The following LRP1 variants were observed in gnomAD, a reference collection of about 807,000 sequenced individuals.
LRP1 encodes LDL receptor related protein 1.
Under a neutral mutation model 541.5 loss-of-function variants are expected in LRP1, and 51 were observed. The observed-to-expected ratio is 0.09, with a 90% CI of 0.08 to 0.12. The LOEUF (loss-of-function observed/expected upper bound fraction) is 0.12, where lower values mean the gene tolerates loss of function less well. Among genes scored for constraint, LRP1 ranks in the 10% least tolerant of loss-of-function variants. The pLI is 1.00. For synonymous variants in LRP1, 2,219 were observed against 2,470.8 expected, an observed-to-expected ratio of 0.90 and a Z score of 3.02; for missense variants, 3,878 against 6,376.2, an observed-to-expected ratio of 0.61 and a Z score of 13.34.
Position 57,137,241 on chromosome 12 carries a change from CA to C in LRP1, c.68-1202del, listed in dbSNP as rs34702781. Among the ~76,000 whole-genome samples, 927 of 101,072 alleles carry C rather than the reference CA, an allele frequency of 9.2e-3. 6 individuals are homozygous for C. Among genetic ancestry groups the C allele is most frequent in the African/African-American group, 0.015 (354 of 23,310 alleles). The allele number at this position is 101,072 out of a possible 152,430, so 66.3% of individuals were successfully genotyped here. A position where few individuals can be genotyped will look rare whatever the true frequency, so the allele number is the denominator to read the frequency against. ...GGGCAACAAGAGCAAAACTCTGTCT[CA>C]AAAAAAAAAAAAAAACAACAGAGTT... On this transcript the variant is annotated intron_variant, in intron 1 of 88. Coordinates refer to ENST00000243077, the MANE Select transcript of LRP1 (RefSeq NM_002332.3).
In LRP1 at chr12:57,201,480, T is replaced by C. The variant is rs2036653936; in HGVS notation, c.10346-17T>C. ...CAGGTGTAAGGGAGGGCCCTCATTC[T>C]CTTGCCCACCCCACAGCCGAGGTGA... is the stretch of plus-strand genomic sequence containing the variant. On this transcript the variant is annotated splice_polypyrimidine_tract_variant and intron_variant, in intron 65 of 88. Transcript: ENST00000243077. The surrounding 1 kb of genome is among the most constrained non-coding windows in gnomAD (Gnocchi z 6.4). The C allele has an allele frequency of 1.3e-6, 2 of 1,599,130 alleles. No homozygotes were observed. Among genetic ancestry groups the C allele is most frequent in the Non-Finnish European group, 1.7e-6 (2 of 1,170,080 alleles).
At chr12:57,210,201 C>T in intron 81 of LRP1, 32 bp downstream of exon 81, 2 of 1,564,262 alleles carry the variant, frequency 1.3e-6, no homozygotes, top group Non-Finnish European at 1.7e-6. Context: ...CCCAGCCATG[C>T]CTCAGGACCA....
Position 57,156,350 on chromosome 12 carries a change from C to T in LRP1, c.1417+67C>T. ...CATGATGGCTCTGGGACCTTGGGATCACAGCCCCTCTCTGGGCCCTCCTGT... is the reference window on the plus strand; with the variant it reads ...CATGATGGCTCTGGGACCTTGGGATTACAGCCCCTCTCTGGGCCCTCCTGT... On this transcript the variant is annotated intron_variant, in intron 9 of 88. Transcript: ENST00000243077. This position sits in a 1 kb window ranked among gnomAD's most constrained non-coding sequence, Gnocchi z 5.2. The T allele has an allele frequency of 6.6e-7, 1 of 1,505,126 alleles. No individual in the cohort carries two copies. The allele number at this position is 1,505,126 out of a possible 1,614,324, so 93.2% of individuals were successfully genotyped here. A position where few individuals can be genotyped will look rare whatever the true frequency, so the allele number is the denominator to read the frequency against.
Position 57,204,282 on chromosome 12 carries a change from C to A in LRP1, c.10952-128C>A. 8 of 1,151,594 alleles carry A rather than the reference C, an allele frequency of 6.9e-6. No homozygotes were observed. The highest frequency in any genetic ancestry group is 9.5e-6 in the Non-Finnish European group (8 of 841,208). The allele number at this position is 1,151,594 out of a possible 1,614,324, so 71.3% of individuals were successfully genotyped here. A position where few individuals can be genotyped will look rare whatever the true frequency, so the allele number is the denominator to read the frequency against. On this transcript the variant is annotated intron_variant, in intron 70 of 88. Transcript: ENST00000243077. This position sits in a 1 kb window ranked among gnomAD's most constrained non-coding sequence, Gnocchi z 5.3. ...CCCCACCAAGTAGAAATTTAAGAGA[C>A]CTGGTTCCAATTTGGCTGTGCCACT...
chr12:57,205,759 G>C lies in LRP1; in HGVS notation c.11590+82G>C. 1 of 1,562,422 alleles carries C rather than the reference G, an allele frequency of 6.4e-7. No homozygotes were observed. Among genetic ancestry groups the C allele is most frequent in the South Asian group, 1.2e-5 (1 of 86,500 alleles). ...AAACGGGGCCGACTTGGAATGGAAT[G>C]TCTTCCTGCGGACATCTTGCCCAGA... On this transcript the variant is annotated intron_variant, in intron 75 of 88. Transcript: ENST00000243077. The surrounding 1 kb of genome is among the most constrained non-coding windows in gnomAD (Gnocchi z 4.6).
Position 57,178,233 on chromosome 12 carries a change from G to A in LRP1, c.4362-126G>A. The A allele has an allele frequency of 8.9e-7, 1 of 1,122,172 alleles. No individual in the cohort carries two copies. The highest frequency in any genetic ancestry group is 1.3e-6 in the Non-Finnish European group (1 of 790,462). The allele number at this position is 1,122,172 out of a possible 1,614,324, so 69.5% of individuals were successfully genotyped here. On this transcript the variant is annotated intron_variant, in intron 26 of 88. Coordinates refer to ENST00000243077, the MANE Select transcript of LRP1 (RefSeq NM_002332.3). This position sits in a 1 kb window ranked among gnomAD's most constrained non-coding sequence, Gnocchi z 5.8. ...CTGCTCTGGCCAGCAAGGCTTAGGG[G>A]AGGGAATGGTCCCATGCTCTTCGCT...
Position 57,212,153 on chromosome 12 carries a change from G to T in LRP1, c.13386G>T (p.Gly4462=), listed in dbSNP as rs368794623. The T allele has an allele frequency of 1.5e-5, 24 of 1,613,894 alleles. No individual in the cohort carries two copies. Among genetic ancestry groups the T allele is most frequent in the Non-Finnish European group, 2.0e-5 (24 of 1,180,020 alleles). The change falls in exon 88 of 89, where the codon GGG becomes GGT. Residue 4462 remains glycine (G), a synonymous_variant. Coordinates refer to ENST00000243077, the MANE Select transcript of LRP1 (RefSeq NM_002332.3). This position sits in a 1 kb window ranked among gnomAD's most constrained non-coding sequence, Gnocchi z 5.0. ...KGFQHQRMTN[G]AMNVEIGNPT... is the part of the protein sequence containing the mutation. Reference sequence around the variant, plus strand: ...TCCAGCACCAACGGATGACCAACGGGGCCATGAACGTGGAGATTGGAAACC... The same window carrying T: ...TCCAGCACCAACGGATGACCAACGGTGCCATGAACGTGGAGATTGGAAACC...
chr12:57,212,655 G>T lies in LRP1; in HGVS notation c.*100G>T. 1.6e-6 allele frequency: 2 copies of T among 1,234,422 alleles called. No homozygotes were observed. Among genetic ancestry groups the T allele is most frequent in the Non-Finnish European group, 2.2e-6 (2 of 896,294 alleles). The allele number at this position is 1,234,422 out of a possible 1,614,324, so 76.5% of individuals were successfully genotyped here. On this transcript the variant is annotated 3_prime_UTR_variant, in exon 89 of 89. Coordinates refer to ENST00000243077, the MANE Select transcript of LRP1 (RefSeq NM_002332.3). This position sits in a 1 kb window ranked among gnomAD's most constrained non-coding sequence, Gnocchi z 5.0. The stretch of plus-strand genomic sequence containing the variant: ...CAGCCAGCCCTTCCCTGGCCCCGCC[G>T]GATGTATAAATGTAAAAATGAAGGA...
intron 6 of LRP1, among the ~76,000 whole-genome samples, chr12:57,152,461 A>T (rs1329035488): frequency 6.6e-6 from 1 of 152,176 alleles, no homozygotes; most frequent in Non-Finnish European, 1.5e-5. Context: ...GGATGCAGGC[A>T]GGTCCCTGCT....
chr12:57,204,551 C>G lies in LRP1; in HGVS notation c.11071+22C>G, dbSNP rs2036728187. ...TGTGGTGAGATTTGGGGCGGGGCTC[C>G]CAGGCTTCCCAGTGGCCAGCAACCA... On this transcript the variant is annotated intron_variant, in intron 71 of 88. Transcript: ENST00000243077. The surrounding 1 kb of genome is among the most constrained non-coding windows in gnomAD (Gnocchi z 5.3). The G allele has an allele frequency of 6.2e-7, 1 of 1,606,508 alleles. No individual in the cohort carries two copies.
intron 10 of LRP1, among the ~76,000 whole-genome samples, chr12:57,157,456 C>T (rs1480432054): frequency 6.6e-6 from 1 of 152,116 alleles, no homozygotes; most frequent in Non-Finnish European, 1.5e-5. Context: ...ACTGAAAATA[C>T]AAAAATTAGC....
At chr12:57,153,011 G>A (rs978960359) in intron 6 of LRP1, among the ~76,000 whole-genome samples, 1 of 152,208 alleles carries the variant, frequency 6.6e-6, no homozygotes, top group African/African-American at 2.4e-5. Flanking sequence ...GTAGCTGTGT[G>A]GGGGCAGAAG....
rs752994882 is a variant in LRP1, at chr12:57,165,787, A to G, written c.2531-18A>G. ...CCGGGGTCTGACTTTCCCCCTCACG[A>G]TCCTGTGGTGCCCACAGCGAACCCA... On this transcript the variant is annotated intron_variant, in intron 15 of 88. Transcript: ENST00000243077. The surrounding 1 kb of genome is among the most constrained non-coding windows in gnomAD (Gnocchi z 4.5). 6.2e-7 allele frequency: 1 copy of G among 1,611,116 alleles called. No homozygotes were observed. The highest frequency in any genetic ancestry group is 1.3e-5 in the African/African-American group (1 of 74,862).
chr12:57,143,020 T>C (rs2035327792), intron 3 of LRP1, among the ~76,000 whole-genome samples: 1 of 152,058 alleles, frequency 6.6e-6, no homozygotes. Context: ...ACTGGGTCGC[T>C]GGTCTGGGGG....
rs1226362758 is a variant in LRP1 at position 57,167,449 on chromosome 12, C to T, written c.2920C>T (p.Pro974Ser). ...CTACTCTTTCTTCCTCACAGCCTAT[C>T]CCACCTGCTTCCCCCTGACTCAGTT... is the stretch of plus-strand genomic sequence containing the variant. ...RSDESASCAY[P>S]TCFPLTQFTC... The change falls in exon 19 of 89, where the codon CCC (proline) becomes TCC (serine). Residue 974 changes from proline to serine, a missense_variant. By Grantham distance (74) the Pro-to-Ser change is moderately conservative. This residue lies in a region of LRP1 where 320 missense variants were observed against 547.9 expected (regional missense o/e 0.58). Coordinates refer to ENST00000243077, the MANE Select transcript of LRP1 (RefSeq NM_002332.3). 2 of 1,613,384 alleles carry T rather than the reference C, an allele frequency of 1.2e-6. No individual in the cohort carries two copies. The highest frequency in any genetic ancestry group is 8.5e-7 in the Non-Finnish European group (1 of 1,179,296).
Position 57,198,659 on chromosome 12 carries a change from A to G in LRP1, c.9665A>G (p.Asn3222Ser), listed in dbSNP as rs2036585151. ...YIEFASLDGS[N>S]RHVVLSQDIP... ...GAATTTGCCAGCCTGGATGGCTCCAATCGCCACGTTGGTCAGTGTGCCAGT... is the reference window on the plus strand; with the variant it reads ...GAATTTGCCAGCCTGGATGGCTCCAGTCGCCACGTTGGTCAGTGTGCCAGT... Residue 3222 changes from asparagine (N) to serine (S), a missense_variant, in exon 60 of 89, where the codon AAT (asparagine) becomes AGT (serine). Asn to Ser is a conservative substitution (Grantham distance 46). Around this residue, in one of 13 missense-constraint regions of LRP1, gnomAD observed 1,100 missense variants for 1,827.4 expected, o/e 0.60. Coordinates refer to ENST00000243077, the MANE Select transcript of LRP1 (RefSeq NM_002332.3). The G allele has an allele frequency of 3.1e-6, 5 of 1,609,586 alleles. No individual in the cohort carries two copies. Among genetic ancestry groups the G allele is most frequent in the East Asian group, 4.5e-5 (2 of 44,660 alleles).
intron 77 of LRP1, 115 bp from the exon 78 acceptor site, chr12:57,208,596 C>T (rs2036838522): frequency 3.1e-6 from 2 of 651,364 alleles, no homozygotes; most frequent in Non-Finnish European, 5.4e-6. Flanking sequence ...GGACAGAATG[C>T]CCTCCTCCCA....
In LRP1 at chr12:57,133,622, GC is replaced by G. The variant is rs1227522096; in HGVS notation, c.67+4598del. On this transcript the variant is annotated intron_variant, in intron 1 of 88. Transcript: ENST00000243077. ...TTCCTGCAGGCTCTGTCCCCGCGCC[GC>G]CCCCCCACCCCACCCCCCGCACCTT... Among the ~76,000 whole-genome samples, 437 of 49,470 alleles carry G rather than the reference GC, an allele frequency of 8.8e-3. 2 individuals are homozygous for G. The highest frequency in any genetic ancestry group is 0.036 in the African/African-American group (419 of 11,744). The allele number at this position is 49,470 out of a possible 152,430, so 32.5% of individuals were successfully genotyped here.
Position 57,177,646 on chromosome 12 carries a change from G to C in LRP1, c.4361+55G>C. ...CAAGTCTGTGGCACCAGGACGGGGT[G>C]GGGAGGAACCTGTGGTGATGAGGGT... is the stretch of plus-strand genomic sequence containing the variant. On this transcript the variant is annotated intron_variant, in intron 26 of 88. Coordinates refer to ENST00000243077, the MANE Select transcript of LRP1 (RefSeq NM_002332.3). The surrounding 1 kb of genome is among the most constrained non-coding windows in gnomAD (Gnocchi z 6.8). 1 of 1,591,378 alleles carries C rather than the reference G, an allele frequency of 6.3e-7. No homozygotes were observed. The highest frequency in any genetic ancestry group is 1.1e-5 in the South Asian group (1 of 88,752).
Sources: gnomAD v4.1 joint callset for allele counts (sites outside exome capture counted in the v4.1 genomes callset) on GRCh38, gnomAD v4.1.1 for gene constraint, gnomAD v4.1.1 regional missense constraint, Gnocchi (gnomAD v3.1) non-coding constraint, MANE v1.5 for transcripts, NCBI Gene and HGNC (gene_info 2026-07-23, HGNC 2026-07-21) for gene names.